AVL9: variants seen among roughly 807,000 people sequenced by gnomAD.
The protein encoded by AVL9 is late secretory pathway protein AVL9 homolog.
AVL9 carries 49 observed loss-of-function variants against 79.2 expected under a neutral mutation model. The observed-to-expected ratio is 0.62, with a 90% CI of 0.49 to 0.79. The LOEUF (loss-of-function observed/expected upper bound fraction) is 0.79, where lower values mean the gene tolerates loss of function less well. AVL9 is among the 30% of genes least tolerant of loss of function. The pLI is 0.00. For missense variants in AVL9, 682 were observed against 776.8 expected, an observed-to-expected ratio of 0.88 and a Z score of 1.45; for synonymous variants, 299 against 280.6, an observed-to-expected ratio of 1.07 and a Z score of -0.65.
At chr7:32,575,135 G>C (rs1463205614) in intron 12 of AVL9, among the ~76,000 whole-genome samples, 2 of 146,368 alleles carry the variant, frequency 1.4e-5, no homozygotes, top group African/African-American at 5.0e-5. Flanking sequence ...TCTCGCTCTT[G>C]TTGCCCAGTC....
At chr7:32,514,249 A>G (rs542696967) in intron 1 of AVL9, among the ~76,000 whole-genome samples, 1 of 152,202 alleles carries the variant, frequency 6.6e-6, no homozygotes, top group Admixed American at 6.5e-5. Context: ...CTCAGTGGGG[A>G]GAAACCTGGA....
At position 32,548,150 on chromosome 7, in the gene AVL9, TC is replaced by T. The variant is rs1196450715; in HGVS notation, c.301-696del. On this transcript the variant is annotated intron_variant, in intron 3 of 15. Coordinates refer to ENST00000318709, the MANE Select transcript of AVL9 (RefSeq NM_015060.3). ...CTGTCTGTTTTTGTCATCTCTTTTT[TC>T]TTTTTTTTTTTTTTGAGACGGAGTC... 5.5e-5 allele frequency among the ~76,000 whole-genome samples: 7 copies of T among 126,288 alleles called. 1 individual carries two copies. Among genetic ancestry groups the T allele is most frequent in the African/African-American group, 1.4e-4 (5 of 35,048 alleles). The allele number at this position is 126,288 out of a possible 152,430, so 82.8% of individuals were successfully genotyped here.
intron 9 of AVL9, 52 bp from the exon 10 acceptor site, chr7:32,558,877 G>C: frequency 6.9e-7 from 1 of 1,459,334 alleles, no homozygotes; most frequent in South Asian, 1.4e-5. Context: ...TAGCTCTCAG[G>C]TTCTTCCATA....
At chr7:32,511,985 A>G (rs1401322761) in intron 1 of AVL9, among the ~76,000 whole-genome samples, 1 of 152,228 alleles carries the variant, frequency 6.6e-6, no homozygotes, top group East Asian at 1.9e-4. Context: ...AGGACATTCC[A>G]TCACAGAATG....
At chr7:32,517,649 T>C (rs1457549362) in intron 1 of AVL9, among the ~76,000 whole-genome samples, 2 of 152,126 alleles carry the variant, frequency 1.3e-5, no homozygotes, top group African/African-American at 4.8e-5. Context: ...TGTAAAGTAA[T>C]ATGAGAAATG....
intron 10 of AVL9, among the ~76,000 whole-genome samples, chr7:32,568,685 C>A (rs1308262520): frequency 2.0e-5 from 3 of 152,150 alleles, no homozygotes; most frequent in Non-Finnish European, 4.4e-5. Flanking sequence ...GGATAAATTA[C>A]AAGTAGAATG....
intron 3 of AVL9, among the ~76,000 whole-genome samples, chr7:32,546,330 C>A (rs987630384): frequency 6.6e-6 from 1 of 152,044 alleles, no homozygotes; most frequent in Admixed American, 6.5e-5. Context: ...AAATGTAAAC[C>A]ATGGGTGTAA....
In AVL9 at chr7:32,586,114, C is replaced by A. The variant is rs1412293260; in HGVS notation, c.*2207C>A. On this transcript the variant is annotated 3_prime_UTR_variant, in exon 16 of 16. Coordinates refer to ENST00000318709, the MANE Select transcript of AVL9 (RefSeq NM_015060.3). ...CCCGTCTCCCACTATTCAAAAGCAG[C>A]CCAACTCATGCTTTGGAATCCACTG... The A allele has an allele frequency of 6.6e-6, 1 of 152,112 alleles. No homozygotes were observed. The highest frequency in any genetic ancestry group is 2.4e-5 in the African/African-American group (1 of 41,422). The allele number at this position is 152,112 out of a possible 1,614,324, so 9.4% of individuals were successfully genotyped here.
chr7:32,554,426 C>T lies in AVL9; in HGVS notation c.571-132C>T, dbSNP rs1242820593. ...AATATTTAACTTCTCAGTATAAGTT[C>T]ATAATTTTTCATGTACTTTTTAAAG... On this transcript the variant is annotated intron_variant, in intron 7 of 15. Transcript: ENST00000318709. 1.3e-5 allele frequency: 6 copies of T among 450,716 alleles called. No individual in the cohort carries two copies. The South Asian group carries it at 1.7e-4, about 13-fold the overall frequency. 27.9% of individuals were successfully genotyped at this position (450,716 alleles called of 1,614,324 possible).
chr7:32,559,206 A>G lies in AVL9; in HGVS notation c.957A>G (p.Pro319=), dbSNP rs1790224180. 1 of 1,614,078 alleles carries G rather than the reference A, an allele frequency of 6.2e-7. No individual in the cohort carries two copies. Among genetic ancestry groups the G allele is most frequent in the Admixed American group, 1.7e-5 (1 of 59,996 alleles). Residue 319 remains proline, a synonymous_variant, in exon 10 of 16, where the codon CCA becomes CCG. Transcript: ENST00000318709. ...ATACCAATCAATATTTGAAACCTCC[A>G]TCTCGCCCATCTCCAGATTCTTCAG... ...PNDTNQYLKP[P]SRPSPDSSES...
chr7:32,580,708 G>T (rs1791455280), intron 14 of AVL9, 94 bp from the exon 15 acceptor site: 2 of 706,222 alleles, frequency 2.8e-6, no homozygotes, highest in Non-Finnish European at 4.8e-6. Flanking sequence ...GTTACAGAGT[G>T]ACTATTGTGT....
In AVL9 at chr7:32,558,645, A is replaced by G. The variant is rs770924970; in HGVS notation, c.679+17A>G. ...TTTTTCCAGGTAAGAAAACAGCAGT[A>G]TCTACTCTTTCTTTTGTTTAACTTG... On this transcript the variant is annotated intron_variant, in intron 9 of 15. Coordinates refer to ENST00000318709, the MANE Select transcript of AVL9 (RefSeq NM_015060.3). 1.8e-5 allele frequency: 29 copies of G among 1,581,040 alleles called. No homozygotes were observed. In the East Asian group the frequency reaches 6.3e-4, roughly 34 times the overall value.
rs1247076375 is a variant in AVL9, at chr7:32,559,061, A to C, written c.812A>C (p.His271Pro). Residue 271 changes from histidine (H) to proline (P), a missense_variant, in exon 10 of 16, where the codon CAT (histidine) becomes CCT (proline). His to Pro is a moderately conservative substitution (Grantham distance 77). Transcript: ENST00000318709. ...FVSASTADVS[H>P]TNLGTIRKVM... The stretch of plus-strand genomic sequence containing the variant: ...TCTGCATCCACTGCTGATGTTTCAC[A>C]TACCAACTTGGGAACTATCAGGAAA... The C allele has an allele frequency of 6.2e-7, 1 of 1,614,196 alleles. No individual in the cohort carries two copies. The highest frequency in any genetic ancestry group is 1.7e-5 in the Admixed American group (1 of 60,028).
intron 1 of AVL9, among the ~76,000 whole-genome samples, chr7:32,531,401 A>C (rs1788641586): frequency 1.3e-5 from 2 of 152,348 alleles, no homozygotes; most frequent in Admixed American, 6.5e-5. Context: ...CTTTATATGA[A>C]TATACATGTT....
intron 10 of AVL9, among the ~76,000 whole-genome samples, chr7:32,560,751 A>T (rs1790296466): frequency 6.6e-6 from 1 of 152,244 alleles, no homozygotes; most frequent in African/African-American, 2.4e-5. Context: ...CCATCAAAGG[A>T]ATCACTATCC....
At chr7:32,574,861 G>A (rs1206632751) in intron 12 of AVL9, among the ~76,000 whole-genome samples, 1 of 152,162 alleles carries the variant, frequency 6.6e-6, no homozygotes, top group Admixed American at 6.5e-5. Context: ...TTTATGCTGT[G>A]TATGGAACTG....
In AVL9 at chr7:32,584,934, T is replaced by C. The variant is rs541910609; in HGVS notation, c.*1027T>C. 6.6e-6 allele frequency: 1 copy of C among 152,202 alleles called. No homozygotes were observed. The highest frequency in any genetic ancestry group is 2.4e-5 in the African/African-American group (1 of 41,498). 9.4% of individuals were successfully genotyped at this position (152,202 alleles called of 1,614,324 possible). A position where few individuals can be genotyped will look rare whatever the true frequency, so the allele number is the denominator to read the frequency against. On this transcript the variant is annotated 3_prime_UTR_variant, in exon 16 of 16. Transcript: ENST00000318709. ...ATGGACATGCGCCACCATGCCCAGC[T>C]AATTATTGTATTTTTAGTAGAGACG...
At chr7:32,582,693 C>T (rs1053767951) in intron 15 of AVL9, among the ~76,000 whole-genome samples, 1 of 151,942 alleles carries the variant, frequency 6.6e-6, no homozygotes, top group Admixed American at 6.6e-5. Flanking sequence ...TTAGCATCAC[C>T]TTTTTTTCCT....
chr7:32,514,282 A>C (rs995010606), intron 1 of AVL9, among the ~76,000 whole-genome samples: 2 of 152,230 alleles, frequency 1.3e-5, no homozygotes, highest in Non-Finnish European at 2.9e-5. Flanking sequence ...TTTCTTGGGC[A>C]GGGGTCCCTG....
Sources: allele counts gnomAD v4.1 joint callset (sites outside exome capture counted in the v4.1 genomes callset), GRCh38; gene constraint gnomAD v4.1.1; transcripts MANE v1.5; gene names NCBI Gene and HGNC (gene_info 2026-07-23, HGNC 2026-07-21).